C17orf99: variants seen among roughly 807,000 people sequenced by gnomAD.
C17orf99 encodes the protein chromosome 17 open reading frame 99, also known as protein IL-40.
In C17orf99, 18 loss-of-function variants were observed where a neutral mutation model predicts 22.6. That is an observed-to-expected ratio of 0.80 (90% CI 0.55 to 1.18). The LOEUF is 1.18. C17orf99 is among the 50% of genes most tolerant of loss of function. C17orf99 has a pLI of 0.00. For missense variants in C17orf99, 328 were observed against 342.7 expected, an observed-to-expected ratio of 0.96 and a Z score of 0.34; for synonymous variants, 147 against 136.6, an observed-to-expected ratio of 1.08 and a Z score of -0.53.
intron 2 of C17orf99, chr17:78,157,267 C>G (rs2075533262): frequency 3.3e-6 from 1 of 302,912 alleles, no homozygotes; most frequent in African/African-American, 2.3e-5. Flanking sequence ...AGTTCAAGAG[C>G]AGCCTGGCCA....
chr17:78,165,398 C>T (rs2075610051), intron 4 of C17orf99: 11 of 985,426 alleles, frequency 1.1e-5, no homozygotes, highest in South Asian at 4.7e-5. Context: ...CATGTCACCT[C>T]GCCGAGCCTC....
chr17:78,148,885 CA>C (rs2075456088), intron 2 of C17orf99, among the ~76,000 whole-genome samples: 1 of 152,030 alleles, frequency 6.6e-6, no homozygotes, highest in Admixed American at 6.6e-5. Flanking sequence ...AGATCAAAGG[CA>C]AAATCCAAGA....
chr17:78,149,707 A>C (rs2075464364), intron 2 of C17orf99, among the ~76,000 whole-genome samples: 1 of 149,188 alleles, frequency 6.7e-6, no homozygotes, highest in Non-Finnish European at 1.5e-5. Context: ...CTAATATTTA[A>C]TTTAATTTTT....
Position 78,146,801 on chromosome 17 carries a change from A to G in C17orf99, c.38-78A>G, listed in dbSNP as rs1277147861. 7.3e-7 allele frequency: 1 copy of G among 1,376,532 alleles called. No homozygotes were observed. The highest frequency in any genetic ancestry group is 1.4e-5 in the African/African-American group (1 of 69,524). The allele number at this position is 1,376,532 out of a possible 1,614,324, so 85.3% of individuals were successfully genotyped here. Reference sequence around the variant, plus strand: ...CAGCCTGCTCCTCCCTCCTGGCTTCAGCAGGTGGGTCTCGAGGCTGTCTCT... The same window carrying G: ...CAGCCTGCTCCTCCCTCCTGGCTTCGGCAGGTGGGTCTCGAGGCTGTCTCT... On this transcript the variant is annotated intron_variant, in intron 1 of 4. Transcript: ENST00000340363. This position sits in a 1 kb window ranked among gnomAD's most constrained non-coding sequence, Gnocchi z 5.2.
rs1011066391 is a variant in C17orf99, at chr17:78,166,062, G to C, written c.*16G>C. On this transcript the variant is annotated 3_prime_UTR_variant, in exon 5 of 5. Transcript: ENST00000340363. ...AGCCATGTAGAATGAACCGTCCAGAGAGCCAAGCACGGCAGAGGACTGCAG... is the reference window on the plus strand; with the variant it reads ...AGCCATGTAGAATGAACCGTCCAGACAGCCAAGCACGGCAGAGGACTGCAG... The C allele has an allele frequency of 8.9e-7, 1 of 1,127,648 alleles. No homozygotes were observed. The allele number at this position is 1,127,648 out of a possible 1,614,324, so 69.9% of individuals were successfully genotyped here.
In C17orf99 at chr17:78,164,255, G is replaced by A; in HGVS notation, c.531G>A (p.Arg177=). The change falls in exon 4 of 5, where the codon AGG becomes AGA. Residue 177 remains arginine (R), a synonymous_variant. Transcript: ENST00000340363. ...QVHLQQRPCH[R]QPANFSFLPS... The stretch of plus-strand genomic sequence containing the variant: ...ACCTGCAGCAGAGACCATGCCACAG[G>A]CAGCCTGCCAACTTCTCCTTCCTGC... The A allele has an allele frequency of 6.4e-7, 1 of 1,551,488 alleles. No individual in the cohort carries two copies. The highest frequency in any genetic ancestry group is 1.2e-5 in the South Asian group (1 of 84,066).
chr17:78,165,773 G>T, intron 4 of C17orf99, 116 bp from the exon 5 acceptor site: 1 of 1,253,522 alleles, frequency 8.0e-7, no homozygotes, highest in Non-Finnish European at 1.0e-6. Flanking sequence ...TTGCACTCCA[G>T]CCTGGACAAA....
rs1447498597 is a variant in C17orf99 at position 78,161,183 on chromosome 17, G to C, written c.299G>C (p.Cys100Ser). Residue 100 changes from cysteine to serine, a missense_variant, in exon 3 of 5, where the codon TGC (cysteine) becomes TCC (serine). Physicochemically the swap from Cys to Ser is moderately radical, Grantham distance 112. Coordinates refer to ENST00000340363, the MANE Select transcript of C17orf99 (RefSeq NM_001163075.2). ...AGTCCAGACCTGCTCACCTACTTCTGCTGGGCGTCCTCCACCTCAGGTGCC... is the reference window on the plus strand; with the variant it reads ...AGTCCAGACCTGCTCACCTACTTCTCCTGGGCGTCCTCCACCTCAGGTGCC... The part of the protein sequence containing the change: ...KSSPDLLTYF[C>S]WASSTSGAHV... 1 of 1,551,722 alleles carries C rather than the reference G, an allele frequency of 6.4e-7. No individual in the cohort carries two copies. Among genetic ancestry groups the C allele is most frequent in the Admixed American group, 2.0e-5 (1 of 50,988 alleles).
intron 2 of C17orf99, chr17:78,160,724 C>T (rs62079085): frequency 0.12 from 67,033 of 539,312 alleles, 4,887 homozygotes; most frequent in Middle Eastern, 0.27. Context: ...GCAGGGATTA[C>T]AGGTGGGCAC....
At position 78,163,796 on chromosome 17, in the gene C17orf99, G is replaced by A. The variant is rs1191528931; in HGVS notation, c.371-299G>A. 2.0e-5 allele frequency among the ~76,000 whole-genome samples: 3 copies of A among 152,166 alleles called. No individual in the cohort carries two copies. The East Asian group carries it at 5.8e-4, about 29-fold the overall frequency. On this transcript the variant is annotated intron_variant, in intron 3 of 4. Coordinates refer to ENST00000340363, the MANE Select transcript of C17orf99 (RefSeq NM_001163075.2). ...TGGGAGAATTGCTCGAGCTGGGGAG[G>A]CGGAGGTTGCAGTGAGCCTAGATCG...
At chr17:78,160,063 T>C in intron 2 of C17orf99, 1 of 456,272 alleles carries the variant, frequency 2.2e-6, no homozygotes, top group Admixed American at 2.3e-5. Context: ...CCCTGTTTTC[T>C]ATTATTTGGT....
chr17:78,164,680 G>T, intron 4 of C17orf99: 1 of 1,415,768 alleles, frequency 7.1e-7, no homozygotes, highest in Non-Finnish European at 9.3e-7. Context: ...ATGGGTGCTC[G>T]ATGCAGGGAG....
chr17:78,161,678 T>A (rs1218489008), intron 3 of C17orf99, among the ~76,000 whole-genome samples: 2 of 151,988 alleles, frequency 1.3e-5, no homozygotes, highest in African/African-American at 2.4e-5. Flanking sequence ...ACCCTGTTCC[T>A]ACTAAAATTA....
At chr17:78,152,652 T>C (rs1286846181) in intron 2 of C17orf99, among the ~76,000 whole-genome samples, 2 of 140,158 alleles carry the variant, frequency 1.4e-5, no homozygotes, top group Non-Finnish European at 3.1e-5. Context: ...TTTTTTTTTT[T>C]CTTAGAGACA....
intron 4 of C17orf99, chr17:78,165,104 C>T: frequency 9.5e-7 from 1 of 1,048,580 alleles, no homozygotes; most frequent in Non-Finnish European, 1.1e-6. Context: ...GGTCCCCTCT[C>T]CAAGGCCATG....
chr17:78,157,739 G>C (rs1446404223), intron 2 of C17orf99: 2 of 502,606 alleles, frequency 4.0e-6, no homozygotes, highest in Non-Finnish European at 6.8e-6. Context: ...AGAGCTTGCG[G>C]TGAGCCGAGA....
In C17orf99 at chr17:78,164,093, A is replaced by C; in HGVS notation, c.371-2A>C. 1 of 1,551,636 alleles carries C rather than the reference A, an allele frequency of 6.4e-7. No individual in the cohort carries two copies. The highest frequency in any genetic ancestry group is 8.7e-7 in the Non-Finnish European group (1 of 1,146,908). On this transcript the variant is annotated splice_acceptor_variant, in intron 3 of 4. Transcript: ENST00000340363. LOFTEE classifies it high-confidence loss of function. Reference sequence around the variant, plus strand: ...CTGTGCTACCTTCTCCCACCCTGCCAGAGCCAGTGTCTGAGCTGCGGGCCA... The same window carrying C: ...CTGTGCTACCTTCTCCCACCCTGCCCGAGCCAGTGTCTGAGCTGCGGGCCA...
intron 3 of C17orf99, among the ~76,000 whole-genome samples, chr17:78,163,605 G>A (rs2075594347): frequency 6.6e-6 from 1 of 152,180 alleles, no homozygotes; most frequent in African/African-American, 2.4e-5. Flanking sequence ...GGTGGCTCAC[G>A]CCTAAAATCC....
Position 78,165,891 on chromosome 17 carries a change from G to A in C17orf99, c.643G>A (p.Gly215Ser), listed in dbSNP as rs1230993675. The change falls in exon 5 of 5, where the codon GGT (glycine) becomes AGT (serine). Residue 215 changes from glycine to serine, a missense_variant and splice_region_variant. Gly to Ser is a moderately conservative substitution (Grantham distance 56). Transcript: ENST00000340363. ...TGAGTCTCCACTGCTTTGTCAAGGTGGTGACCAGAAGATGGAGGACTGGCA... is the reference window on the plus strand; with the variant it reads ...TGAGTCTCCACTGCTTTGTCAAGGTAGTGACCAGAAGATGGAGGACTGGCA... ...HSALTVVPPGGDQKMEDWQGP... is the reference protein window; with the variant it reads ...HSALTVVPPGSDQKMEDWQGP... 3 of 1,346,314 alleles carry A rather than the reference G, an allele frequency of 2.2e-6. No individual in the cohort carries two copies. Among genetic ancestry groups the A allele is most frequent in the Non-Finnish European group, 2.9e-6 (3 of 1,031,610 alleles). 83.4% of individuals were successfully genotyped at this position (1,346,314 alleles called of 1,614,324 possible).
Sources: allele counts gnomAD v4.1 joint callset (sites outside exome capture counted in the v4.1 genomes callset), GRCh38; gene constraint gnomAD v4.1.1; non-coding constraint Gnocchi (gnomAD v3.1); transcripts MANE v1.5; gene names NCBI Gene and HGNC (gene_info 2026-07-23, HGNC 2026-07-21).